CDC37: variants seen among roughly 807,000 people sequenced by gnomAD.
The protein encoded by CDC37 is cell division cycle 37, HSP90 cochaperone.
A neutral mutation model predicts 46.9 loss-of-function variants in CDC37; 9 were observed. The observed-to-expected ratio is 0.19, with a 90% CI of 0.12 to 0.33. CDC37 has a LOEUF of 0.33. Ranked by LOEUF, CDC37 falls within the 10% of genes least tolerant of loss-of-function variation. The probability of loss-of-function intolerance (pLI) is 1.00; values close to 1 mark genes in which losing one functional copy is unlikely to be tolerated. For synonymous variants in CDC37, 193 were observed against 191.0 expected (o/e 1.01, Z -0.09); for missense variants, 388 against 514.6 (o/e 0.75, Z 2.38).
In CDC37 at chr19:10,391,401, G is replaced by A. The variant is rs556267192; in HGVS notation, c.*150C>T. The A allele has an allele frequency of 2.3e-6, 2 of 860,398 alleles. No individual in the cohort carries two copies. Among genetic ancestry groups the A allele is most frequent in the East Asian group, 2.4e-5 (1 of 41,120 alleles). 53.3% of individuals were successfully genotyped at this position (860,398 alleles called of 1,614,324 possible). On this transcript the variant is annotated 3_prime_UTR_variant, in exon 8 of 8. Coordinates refer to ENST00000222005, the MANE Select transcript of CDC37 (RefSeq NM_007065.4). The stretch of plus-strand genomic sequence containing the variant: ...TGGGCGCTGGAGAGTGGAGACAGTG[G>A]AGAGGCCAGGGAGGGCTGGGCGGGC...
intron 5 of CDC37, among the ~76,000 whole-genome samples, chr19:10,394,689 A>C (rs1254511548): frequency 1.3e-5 from 2 of 151,818 alleles, no homozygotes; most frequent in Non-Finnish European, 2.9e-5. Context: ...GGCACACACC[A>C]CCATGCCCGG....
intron 7 of CDC37, among the ~76,000 whole-genome samples, chr19:10,392,108 T>G (rs2042460534): frequency 6.6e-6 from 1 of 152,224 alleles, no homozygotes; most frequent in Admixed American, 6.5e-5. Flanking sequence ...AGCTGGAAAT[T>G]TAAATTTTAT....
At chr19:10,397,742 C>T (rs1456701139) in intron 1 of CDC37, among the ~76,000 whole-genome samples, 1 of 152,020 alleles carries the variant, frequency 6.6e-6, no homozygotes, top group Non-Finnish European at 1.5e-5. Flanking sequence ...CATAACCTTG[C>T]CCCAGGATCA....
intron 1 of CDC37, chr19:10,400,428 G>T (rs1426023650): frequency 6.6e-6 from 1 of 152,146 alleles, no homozygotes; most frequent in Admixed American, 6.6e-5. Flanking sequence ...GCCAGGCTTG[G>T]TGGCTCACAC....
chr19:10,395,676 G>A, intron 2 of CDC37, 133 bp from the exon 3 acceptor site: 3 of 863,002 alleles, frequency 3.5e-6, no homozygotes, highest in Non-Finnish European at 3.8e-6. Context: ...GCATCAAGGT[G>A]GCGGGAGCGT....
In CDC37 at chr19:10,396,460, G is replaced by A. The variant is rs1164557888; in HGVS notation, c.103-257C>T. ...CCAAGTTGTCACCACAGCCTACATG[G>A]GCCCTACACAATCTGCCTCGGCACC... On this transcript the variant is annotated intron_variant, in intron 1 of 7. Transcript: ENST00000222005. The surrounding 1 kb of genome is among the most constrained non-coding windows in gnomAD (Gnocchi z 5.9). 1.3e-5 allele frequency among the ~76,000 whole-genome samples: 2 copies of A among 152,058 alleles called. No individual in the cohort carries two copies. The highest frequency in any genetic ancestry group is 2.9e-5 in the Non-Finnish European group (2 of 68,016).
chr19:10,397,636 C>T (rs990029574), intron 1 of CDC37, among the ~76,000 whole-genome samples: 11 of 152,014 alleles, frequency 7.2e-5, no homozygotes, highest in African/African-American at 2.7e-4. Context: ...AACTCCTGAC[C>T]TCAAGTGATC....
At chr19:10,392,538 T>C (rs1443374119) in intron 7 of CDC37, among the ~76,000 whole-genome samples, 1 of 152,096 alleles carries the variant, frequency 6.6e-6, no homozygotes, top group Non-Finnish European at 1.5e-5. Context: ...TCCAAAAATA[T>C]AGCCAGTGAG....
Position 10,398,979 on chromosome 19 carries a change from G to A in CDC37, c.103-2776C>T, listed in dbSNP as rs910419059. Among the ~76,000 whole-genome samples the A allele has an allele frequency of 6.6e-6, 1 of 152,082 alleles. No homozygotes were observed. Among genetic ancestry groups the A allele is most frequent in the Non-Finnish European group, 1.5e-5 (1 of 68,000 alleles). ...ATGCTTCCAAAACAGCCCTCAGTAG[G>A]TGTGTCCCACTGTTACCATCTCCGT... On this transcript the variant is annotated intron_variant, in intron 1 of 7. Transcript: ENST00000222005. The surrounding 1 kb of genome is among the most constrained non-coding windows in gnomAD (Gnocchi z 4.2).
rs1315537361 is a variant in CDC37 at position 10,393,293 on chromosome 19, A to AG, written c.874dup (p.Leu292ProfsTer12). On this transcript the variant is annotated frameshift_variant, in exon 6 of 8. Coordinates refer to ENST00000222005, the MANE Select transcript of CDC37 (RefSeq NM_007065.4). LOFTEE classifies it high-confidence loss of function. This position sits in a 1 kb window ranked among gnomAD's most constrained non-coding sequence, Gnocchi z 4.9. ...GGACTCGTAGACCTCGACGGGGTCC[A>AG]GGCCGCCGGGGCCGAGCCGCTTCTT... 6.2e-7 allele frequency: 1 copy of AG among 1,613,426 alleles called. No individual in the cohort carries two copies. Among genetic ancestry groups the AG allele is most frequent in the Non-Finnish European group, 8.5e-7 (1 of 1,179,702 alleles).
At chr19:10,400,241 T>C (rs2042511978) in intron 1 of CDC37, among the ~76,000 whole-genome samples, 1 of 152,164 alleles carries the variant, frequency 6.6e-6, no homozygotes, top group Non-Finnish European at 1.5e-5. Flanking sequence ...CCCTCCTGCC[T>C]TACAGTTAGG....
At position 10,393,175 on chromosome 19, in the gene CDC37, C is replaced by G; in HGVS notation, c.910-18G>C. The G allele has an allele frequency of 6.2e-7, 1 of 1,613,204 alleles. No homozygotes were observed. The highest frequency in any genetic ancestry group is 8.5e-7 in the Non-Finnish European group (1 of 1,179,284). ...TGGAGTTCCTGGGGGTACAGAGGGGCTGGGGTCAGGGGCTGGGTCCCTGTG... is the reference window on the plus strand; with the variant it reads ...TGGAGTTCCTGGGGGTACAGAGGGGGTGGGGTCAGGGGCTGGGTCCCTGTG... On this transcript the variant is annotated intron_variant, in intron 6 of 7. Transcript: ENST00000222005. The surrounding 1 kb of genome is among the most constrained non-coding windows in gnomAD (Gnocchi z 4.9).
At chr19:10,392,671 C>T (rs1473293215) in intron 7 of CDC37, 1 of 207,788 alleles carries the variant, frequency 4.8e-6, no homozygotes, top group Non-Finnish European at 9.8e-6. Flanking sequence ...GAGGTCGAGA[C>T]TGCAGCCTGG....
chr19:10,403,148 G>A (rs1291245759), intron 1 of CDC37, among the ~76,000 whole-genome samples: 1 of 152,094 alleles, frequency 6.6e-6, no homozygotes, highest in Non-Finnish European at 1.5e-5. Flanking sequence ...GGGGTGAATA[G>A]GGAATCCCAC....
chr19:10,394,115 A>G (rs1022130597), intron 5 of CDC37, among the ~76,000 whole-genome samples: 3 of 151,778 alleles, frequency 2.0e-5, no homozygotes, highest in Non-Finnish European at 4.4e-5. Flanking sequence ...ACAACAACAA[A>G]AAAACCCTGA....
chr19:10,399,709 ATCATGAGGTCAGG>A (rs2042508591), intron 1 of CDC37, among the ~76,000 whole-genome samples: 1 of 150,858 alleles, frequency 6.6e-6, no homozygotes, highest in South Asian at 2.1e-4. Flanking sequence ...AGGCGGGCAG[ATCATGAGGTCAGG>A]AGTTCGGGAC....
At position 10,393,409 on chromosome 19, in the gene CDC37, G is replaced by A. The variant is rs774090033; in HGVS notation, c.759C>T (p.Asn253=). The A allele has an allele frequency of 4.3e-6, 7 of 1,613,614 alleles. No individual in the cohort carries two copies. Among genetic ancestry groups the A allele is most frequent in the Non-Finnish European group, 5.9e-6 (7 of 1,179,910 alleles). The part of the protein sequence containing the change: ...TADRQYMEGF[N]DELEAFKERV... ...GCTCCTTGAAGGCTTCCAGCTCGTC[G>A]TTGAAGCCCTCCATGTACTGGCGAT... Residue 253 remains asparagine (N), a synonymous_variant, in exon 6 of 8, where the codon AAC becomes AAT. Coordinates refer to ENST00000222005, the MANE Select transcript of CDC37 (RefSeq NM_007065.4). The surrounding 1 kb of genome is among the most constrained non-coding windows in gnomAD (Gnocchi z 4.9).
chr19:10,395,627 C>G, intron 2 of CDC37, 84 bp from the exon 3 acceptor site: 1 of 1,083,312 alleles, frequency 9.2e-7, no homozygotes, highest in Admixed American at 1.7e-5. Context: ...GGTCGCAGCG[C>G]CCATCCCATC....
chr19:10,403,341 C>G (rs1223276507), intron 1 of CDC37, 37 bp downstream of exon 1: 3 of 1,505,412 alleles, frequency 2.0e-6, no homozygotes, highest in South Asian at 2.3e-5. Flanking sequence ...GAAGCGGGGT[C>G]CGGGAGTGGG....
Sources: allele counts gnomAD v4.1 joint callset (sites outside exome capture counted in the v4.1 genomes callset), GRCh38; gene constraint gnomAD v4.1.1; non-coding constraint Gnocchi (gnomAD v3.1); transcripts MANE v1.5; gene names NCBI Gene and HGNC (gene_info 2026-07-23, HGNC 2026-07-21).